The following NALF1 variants were observed in gnomAD, a reference collection of about 807,000 sequenced individuals.
NALF1 encodes the protein family with sequence similarity 155 member A.
A neutral mutation model predicts 48.4 loss-of-function variants in NALF1; 3 were observed. The observed-to-expected ratio is 0.06, with a 90% confidence interval of 0.03 to 0.16. The LOEUF (loss-of-function observed/expected upper bound fraction) is 0.16. Ranked by LOEUF, NALF1 falls within the 10% of genes least tolerant of loss-of-function variation. NALF1 has a pLI of 1.00. For synonymous variants in NALF1, 262 were observed against 245.7 expected (o/e 1.07, Z -0.62); for missense variants, 526 against 571.5 (o/e 0.92, Z 0.81).
At chr13:107,316,586 C>T (rs1264107141) in intron 1 of NALF1, among the ~76,000 whole-genome samples, 2 of 152,126 alleles carry the variant, frequency 1.3e-5, no homozygotes, top group Non-Finnish European at 2.9e-5. Context: ...TAATGATGGC[C>T]ATTCTAACTG....
intron 1 of NALF1, among the ~76,000 whole-genome samples, chr13:107,632,234 T>G (rs991096995): frequency 3.9e-5 from 6 of 152,166 alleles, no homozygotes; most frequent in African/African-American, 1.4e-4. Flanking sequence ...CATATCTGTC[T>G]ATCTGTCTAT....
At chr13:107,331,315 T>C (rs992511323) in intron 1 of NALF1, among the ~76,000 whole-genome samples, 1 of 152,152 alleles carries the variant, frequency 6.6e-6, no homozygotes, top group South Asian at 2.1e-4. Context: ...AGACGGAGGA[T>C]CAATTTGTTA....
At chr13:107,850,474 C>T (rs73589306) in intron 1 of NALF1, among the ~76,000 whole-genome samples, 4,322 of 152,260 alleles carry the variant, frequency 0.028, 243 homozygotes, top group African/African-American at 0.099. Flanking sequence ...TGCACACATA[C>T]ACACGAAAAG....
intron 1 of NALF1, among the ~76,000 whole-genome samples, chr13:107,535,705 TCAC>T (rs1424233325): frequency 2.6e-5 from 4 of 152,154 alleles, no homozygotes; most frequent in African/African-American, 9.7e-5. Context: ...ATGACTTTCT[TCAC>T]AGAATTGGAA....
chr13:107,364,239 T>C (rs1292805259), intron 1 of NALF1, among the ~76,000 whole-genome samples: 1 of 152,208 alleles, frequency 6.6e-6, no homozygotes. Flanking sequence ...TGGATCTAAT[T>C]TTGATCTAAT....
At chr13:107,580,823 C>T (rs1878285172) in intron 1 of NALF1, among the ~76,000 whole-genome samples, 1 of 152,096 alleles carries the variant, frequency 6.6e-6, no homozygotes, top group Non-Finnish European at 1.5e-5. Context: ...GAAAAGACAG[C>T]CAGGTTTTGA....
intron 1 of NALF1, among the ~76,000 whole-genome samples, chr13:107,596,144 A>G (rs914639410): frequency 3.3e-5 from 5 of 152,120 alleles, no homozygotes; most frequent in African/African-American, 1.2e-4. Flanking sequence ...AAGTAGTGGG[A>G]ATCTTGCAAT....
intron 1 of NALF1, among the ~76,000 whole-genome samples, chr13:107,686,718 C>T (rs1055905325): frequency 6.8e-6 from 1 of 147,858 alleles, no homozygotes; most frequent in Non-Finnish European, 1.5e-5. Context: ...TAACAATCAT[C>T]AAAGAAATGC....
intron 1 of NALF1, among the ~76,000 whole-genome samples, chr13:107,379,623 G>T (rs1023334488): frequency 2.6e-5 from 4 of 152,138 alleles, no homozygotes; most frequent in Non-Finnish European, 5.9e-5. Context: ...TGACAGCACA[G>T]CCTCTGTGCT....
intron 1 of NALF1, among the ~76,000 whole-genome samples, chr13:107,610,399 A>G (rs1336160832): frequency 6.6e-6 from 1 of 152,218 alleles, no homozygotes. Flanking sequence ...AAACACTTAA[A>G]AGAAATATTG....
intron 1 of NALF1, among the ~76,000 whole-genome samples, chr13:107,338,096 C>T (rs1338097674): frequency 1.3e-5 from 2 of 152,118 alleles, no homozygotes; most frequent in South Asian, 2.1e-4. Flanking sequence ...GATGTTTCTT[C>T]GTGATGACAT....
chr13:107,278,527 A>C (rs1486748539), intron 1 of NALF1, among the ~76,000 whole-genome samples: 2 of 152,200 alleles, frequency 1.3e-5, no homozygotes, highest in African/African-American at 4.8e-5. Context: ...TGGATGAATA[A>C]ATGAGTGAAT....
In NALF1 at chr13:107,448,330, A is replaced by T. The variant is rs569578812; in HGVS notation, c.916-237575T>A. Among the ~76,000 whole-genome samples the T allele has an allele frequency of 1.2e-3, 190 of 152,052 alleles. 1 individual carries two copies. The Middle Eastern group carries it at 0.014, about 11-fold the overall frequency. On this transcript the variant is annotated intron_variant, in intron 1 of 2. Coordinates refer to ENST00000375915, the MANE Select transcript of NALF1 (RefSeq NM_001080396.3). The stretch of plus-strand genomic sequence containing the variant: ...TATTAAAGAGATAATTTGAATTTTT[A>T]GCAATGGCCATCTGTTTCCAATACC...
At position 107,802,483 on chromosome 13, in the gene NALF1, A is replaced by C. The variant is rs192986604; in HGVS notation, c.915+63199T>G. Among the ~76,000 whole-genome samples, 19 of 152,202 alleles carry C rather than the reference A, an allele frequency of 1.2e-4. No individual in the cohort carries two copies. The East Asian group carries it at 2.5e-3, about 20-fold the overall frequency. ...TTGTGCATGTATATTTTCTTCTTGT[A>C]ATTTGCAATTTTACAAATCTTAGAA... is the stretch of plus-strand genomic sequence containing the variant. On this transcript the variant is annotated intron_variant, in intron 1 of 2. Coordinates refer to ENST00000375915, the MANE Select transcript of NALF1 (RefSeq NM_001080396.3).
intron 1 of NALF1, among the ~76,000 whole-genome samples, chr13:107,338,118 T>C (rs1287137635): frequency 6.6e-6 from 1 of 152,238 alleles, no homozygotes; most frequent in Admixed American, 6.5e-5. Context: ...TTTTTAAACT[T>C]AATGAAACGC....
chr13:107,475,588 T>C (rs1390141497), intron 1 of NALF1, among the ~76,000 whole-genome samples: 1 of 152,146 alleles, frequency 6.6e-6, no homozygotes, highest in Non-Finnish European at 1.5e-5. Flanking sequence ...CTTGACCAAG[T>C]TGGAGATTTC....
chr13:107,394,258 C>T (rs1379401712), intron 1 of NALF1, among the ~76,000 whole-genome samples: 4 of 152,158 alleles, frequency 2.6e-5, no homozygotes, highest in Non-Finnish European at 5.9e-5. Flanking sequence ...TAAAATGATA[C>T]TGGGAAATAT....
chr13:107,487,563 C>T (rs1237805760), intron 1 of NALF1, among the ~76,000 whole-genome samples: 1 of 152,086 alleles, frequency 6.6e-6, no homozygotes, highest in African/African-American at 2.4e-5. Context: ...TTGTTATTTA[C>T]CTACAAGAAA....
At chr13:107,238,186 T>A (rs913012550) in intron 1 of NALF1, among the ~76,000 whole-genome samples, 2 of 152,212 alleles carry the variant, frequency 1.3e-5, no homozygotes, top group African/African-American at 2.4e-5. Context: ...CAAATCCATA[T>A]AACATAGAGC....
Sources: allele counts gnomAD v4.1 joint callset (sites outside exome capture counted in the v4.1 genomes callset), GRCh38; gene constraint gnomAD v4.1.1; transcripts MANE v1.5; gene names NCBI Gene and HGNC (gene_info 2026-07-23, HGNC 2026-07-21).